Variants in SEL1L observed in about 807,000 individuals in gnomAD.
The protein encoded by SEL1L is protein sel-1 homolog 1.
Under a neutral mutation model 109.8 loss-of-function variants are expected in SEL1L, and 52 were observed. That is an observed-to-expected ratio of 0.47 (90% CI 0.38 to 0.60). SEL1L has a LOEUF of 0.60. Among genes scored for constraint, SEL1L ranks in the 20% least tolerant of loss-of-function variants. The probability of loss-of-function intolerance (pLI) is 0.00; values close to 1 mark genes in which losing one functional copy is unlikely to be tolerated. For missense variants in SEL1L, 749 were observed against 962.2 expected (o/e 0.78, Z 2.93); for synonymous variants, 373 against 339.6 (o/e 1.10, Z -1.08).
chr14:81,521,150 G>C (rs1884892072), intron 3 of SEL1L, among the ~76,000 whole-genome samples: 1 of 152,154 alleles, frequency 6.6e-6, no homozygotes, highest in South Asian at 2.1e-4. Context: ...ATTTGAACTA[G>C]AAGTTATCGG....
rs758701841 is a variant in SEL1L, at chr14:81,502,722, G to A, written c.776C>T (p.Thr259Ile). 1.2e-6 allele frequency: 2 copies of A among 1,613,528 alleles called. No individual in the cohort carries two copies. The highest frequency in any genetic ancestry group is 1.7e-6 in the Non-Finnish European group (2 of 1,179,624). The change falls in exon 6 of 21, where the codon ACT becomes ATT. Residue 259 changes from threonine to isoleucine, a missense_variant and splice_region_variant. By Grantham distance (89) the Thr-to-Ile change is moderately conservative. This residue lies in a region of SEL1L where 366 missense variants were observed against 399.8 expected (regional missense o/e 0.92). Transcript: ENST00000336735. ...ATTCTTCACTGAGAATGTACTTACA[G>A]TCTGTCCCTTGGGAGAGCCTTCCTC... ...LTEEGSPKGQ[T>I]ALGFLYASGL...
Position 81,477,579 on chromosome 14 carries a change from G to A in SEL1L, c.2176-398C>T, listed in dbSNP as rs532323784. Reference sequence around the variant, plus strand: ...TGTAATCCCAGCACTTTGGGAGGCCGAGGTGAGTGTATCACTTGAGGCCAG... The same window carrying A: ...TGTAATCCCAGCACTTTGGGAGGCCAAGGTGAGTGTATCACTTGAGGCCAG... On this transcript the variant is annotated intron_variant, in intron 20 of 20. Coordinates refer to ENST00000336735, the MANE Select transcript of SEL1L (RefSeq NM_005065.6). Among the ~76,000 whole-genome samples, 5 of 152,268 alleles carry A rather than the reference G, an allele frequency of 3.3e-5. 1 individual carries two copies. Among genetic ancestry groups the A allele is most frequent in the South Asian group, 4.1e-4 (2 of 4,832 alleles).
intron 19 of SEL1L, among the ~76,000 whole-genome samples, chr14:81,481,892 G>A (rs916558678): frequency 1.3e-5 from 2 of 151,974 alleles, no homozygotes; most frequent in Non-Finnish European, 2.9e-5. Context: ...TTAGCCGGGC[G>A]TGGTGGCAGG....
intron 1 of SEL1L, among the ~76,000 whole-genome samples, chr14:81,528,009 C>G (rs1055261543): frequency 2.0e-5 from 3 of 152,096 alleles, no homozygotes; most frequent in African/African-American, 7.2e-5. Flanking sequence ...CAGCCTCCAC[C>G]AACAAAAACA....
In SEL1L at chr14:81,485,682, G is replaced by A. The variant is rs765624119; in HGVS notation, c.1863C>T (p.Ala621=). ...GAATTAATCACTTACCTTGAGAGGC[G>A]GCCCTGTTCCAATGTAGCAAAGCTC... ...YPRALLHWNR[A]ASQGYTVARI... Residue 621 remains alanine (A), a synonymous_variant, in exon 18 of 21, where the codon GCC becomes GCT. Transcript: ENST00000336735. 28 of 1,613,446 alleles carry A rather than the reference G, an allele frequency of 1.7e-5. No homozygotes were observed. The highest frequency in any genetic ancestry group is 3.3e-5 in the Admixed American group (2 of 59,976).
Position 81,526,902 on chromosome 14 carries a change from A to G in SEL1L, c.171T>C (p.Gly57=). ...DHTTAGRVVA[G]QIFLDSEESE... ...ATTCTTCTGAATCAAGAAATATTTG[A>G]CCAGCAACTACTCTGCCTGCAGTAG... Residue 57 remains glycine, a synonymous_variant, in exon 3 of 21, where the codon GGT becomes GGC. Coordinates refer to ENST00000336735, the MANE Select transcript of SEL1L (RefSeq NM_005065.6). The G allele has an allele frequency of 1.3e-6, 2 of 1,598,758 alleles. No individual in the cohort carries two copies. The highest frequency in any genetic ancestry group is 4.5e-5 in the East Asian group (2 of 44,784).
At chr14:81,527,760 AT>A in intron 1 of SEL1L, 22 bp from the exon 2 acceptor site, 1 of 1,561,046 alleles carries the variant, frequency 6.4e-7, no homozygotes, top group Non-Finnish European at 8.8e-7. Flanking sequence ...TTTTAAGACA[AT>A]TTAGTAATCT....
intron 3 of SEL1L, among the ~76,000 whole-genome samples, chr14:81,507,871 T>C (rs1472336026): frequency 6.6e-6 from 1 of 152,184 alleles, no homozygotes; most frequent in Non-Finnish European, 1.5e-5. Context: ...ATGAAGGGTA[T>C]AGATTCCGGG....
intron 2 of SEL1L, 62 bp downstream of exon 2, chr14:81,527,639 T>C (rs1318111772): frequency 3.5e-5 from 43 of 1,234,394 alleles, no homozygotes; most frequent in Admixed American, 2.6e-4. Context: ...CTTTCTAAGA[T>C]ACATAATTCA....
At chr14:81,520,755 G>C (rs1474638585) in intron 3 of SEL1L, among the ~76,000 whole-genome samples, 1 of 152,204 alleles carries the variant, frequency 6.6e-6, no homozygotes, top group Admixed American at 6.5e-5. Flanking sequence ...GGATGAACTT[G>C]ATCTGTCTAC....
At chr14:81,523,542 T>G (rs1885004818) in intron 3 of SEL1L, among the ~76,000 whole-genome samples, 1 of 152,156 alleles carries the variant, frequency 6.6e-6, no homozygotes, top group South Asian at 2.1e-4. Flanking sequence ...ATTTACCCAT[T>G]TATCATGCTT....
chr14:81,532,393 G>C (rs532081052), intron 1 of SEL1L, among the ~76,000 whole-genome samples: 1 of 152,218 alleles, frequency 6.6e-6, no homozygotes, highest in African/African-American at 2.4e-5. Context: ...TACTCATTAA[G>C]CTCAACAGCT....
chr14:81,519,056 C>T (rs1830708430), intron 3 of SEL1L, among the ~76,000 whole-genome samples: 1 of 152,212 alleles, frequency 6.6e-6, no homozygotes, highest in Non-Finnish European at 1.5e-5. Flanking sequence ...ATGTTGAACA[C>T]CTGCTTTCCT....
chr14:81,488,504 T>G (rs1883412188), intron 14 of SEL1L, among the ~76,000 whole-genome samples: 1 of 152,120 alleles, frequency 6.6e-6, no homozygotes, highest in African/African-American at 2.4e-5. Flanking sequence ...ACCTAGCTCT[T>G]AAACCTAGCT....
In SEL1L at chr14:81,491,745, T is replaced by C. The variant is rs1439970135; in HGVS notation, c.1254+735A>G. Among the ~76,000 whole-genome samples, 3 of 152,254 alleles carry C rather than the reference T, an allele frequency of 2.0e-5. No homozygotes were observed. In the East Asian group the frequency reaches 5.8e-4, roughly 29 times the overall value. ...ATATGGAATTTATTTATAAAGTTTCTAGACTTAAATGTTCTGTTCCCTTGA... is the reference window on the plus strand; with the variant it reads ...ATATGGAATTTATTTATAAAGTTTCCAGACTTAAATGTTCTGTTCCCTTGA... On this transcript the variant is annotated intron_variant, in intron 12 of 20. Transcript: ENST00000336735.
At chr14:81,510,474 C>CTA (rs1278562207) in intron 3 of SEL1L, among the ~76,000 whole-genome samples, 5 of 76,746 alleles carry the variant, frequency 6.5e-5, no homozygotes, top group African/African-American at 9.4e-5. Context: ...GAATGCTGAT[C>CTA]TCTCTCTCTC....
In SEL1L at chr14:81,499,043, G is replaced by A. The variant is rs75932231; in HGVS notation, c.891+416C>T. The stretch of plus-strand genomic sequence containing the variant: ...ACTCCATGAATTTTAACAATTCTTA[G>A]GGCATTGTTGCAAAATATTGTATAA... On this transcript the variant is annotated intron_variant, in intron 8 of 20. Coordinates refer to ENST00000336735, the MANE Select transcript of SEL1L (RefSeq NM_005065.6). 622 of 801,046 alleles carry A rather than the reference G, an allele frequency of 7.8e-4. 3 individuals are homozygous for A. In the African/African-American group the frequency reaches 0.011, roughly 14 times the overall value. 49.6% of individuals were successfully genotyped at this position (801,046 alleles called of 1,614,324 possible).
Position 81,526,910 on chromosome 14 carries a change from C to A in SEL1L, c.163G>T (p.Val55Phe). ...VKDHTTAGRV[V>F]AGQIFLDSEE... ...GAATCAAGAAATATTTGACCAGCAA[C>A]TACTCTGCCTGCAGTAGTATGGTCC... The change falls in exon 3 of 21, where the codon GTT (valine) becomes TTT (phenylalanine). Residue 55 changes from valine (V) to phenylalanine (F), a missense_variant. Transcript: ENST00000336735. 1 of 1,600,378 alleles carries A rather than the reference C, an allele frequency of 6.2e-7. No individual in the cohort carries two copies. Among genetic ancestry groups the A allele is most frequent in the Non-Finnish European group, 8.5e-7 (1 of 1,175,476 alleles).
intron 3 of SEL1L, among the ~76,000 whole-genome samples, chr14:81,512,719 A>G (rs1467134250): frequency 2.0e-5 from 3 of 152,190 alleles, no homozygotes. Context: ...TGTCTGATGG[A>G]TTTTTTTATT....
Sources: gnomAD v4.1 joint callset for allele counts (sites outside exome capture counted in the v4.1 genomes callset) on GRCh38, gnomAD v4.1.1 for gene constraint, gnomAD v4.1.1 regional missense constraint, MANE v1.5 for transcripts, NCBI Gene and HGNC (gene_info 2026-07-23, HGNC 2026-07-21) for gene names.